EEFSEC: variants seen among roughly 807,000 people sequenced by gnomAD.
EEFSEC encodes selenocysteine-specific elongation factor.
In EEFSEC, 43 loss-of-function variants were observed where a neutral mutation model predicts 42.1. That is an observed-to-expected ratio of 1.02 (90% confidence interval 0.80 to 1.32). EEFSEC has a LOEUF of 1.32. EEFSEC is among the 40% of genes most tolerant of loss of function. The probability of loss-of-function intolerance (pLI) is 0.00; values close to 1 mark genes in which losing one functional copy is unlikely to be tolerated. For synonymous variants in EEFSEC, 354 were observed against 339.1 expected, an observed-to-expected ratio of 1.04 and a Z score of -0.48; for missense variants, 745 against 803.6, an observed-to-expected ratio of 0.93 and a Z score of 0.88.
intron 4 of EEFSEC, among the ~76,000 whole-genome samples, chr3:128,304,716 T>C (rs547819342): frequency 7.9e-5 from 12 of 152,026 alleles, no homozygotes; most frequent in South Asian, 2.1e-4. Flanking sequence ...TTTTTTTTTT[T>C]CCCTCAAGAC....
intron 1 of EEFSEC, among the ~76,000 whole-genome samples, chr3:128,198,871 G>A (rs935389076): frequency 2.7e-5 from 4 of 150,924 alleles, no homozygotes; most frequent in Admixed American, 2.0e-4. Context: ...TCACCCTGTC[G>A]CCCATGCTGG....
chr3:128,195,641 G>A (rs1362405048), intron 1 of EEFSEC, among the ~76,000 whole-genome samples: 4 of 152,178 alleles, frequency 2.6e-5, no homozygotes, highest in East Asian at 1.9e-4. Flanking sequence ...AGATGAAGGC[G>A]CCTCCCATTC....
chr3:128,192,485 C>T (rs907077947), intron 1 of EEFSEC, among the ~76,000 whole-genome samples: 6 of 152,208 alleles, frequency 3.9e-5, no homozygotes, highest in African/African-American at 1.2e-4. Context: ...TCTTTCCTGT[C>T]ACCCTGGCTG....
At chr3:128,207,323 T>G (rs1406694258) in intron 1 of EEFSEC, among the ~76,000 whole-genome samples, 1 of 146,898 alleles carries the variant, frequency 6.8e-6, no homozygotes, top group Non-Finnish European at 1.5e-5. Context: ...TTCCCTTGGC[T>G]CTGTGAGAGC....
chr3:128,164,770 A>G (rs375061879), intron 1 of EEFSEC, among the ~76,000 whole-genome samples: 36 of 152,310 alleles, frequency 2.4e-4, no homozygotes, highest in East Asian at 7.7e-4. Context: ...CCCGGACCAG[A>G]TCTCAGGAGC....
Position 128,239,347 on chromosome 3 carries a change from G to A in EEFSEC, c.317-7489G>A, listed in dbSNP as rs2066046129. ...TTACTGTGCTGGCATAGTGATACTT[G>A]CAGCAGCTTGCATTTAGTGAGTCTG... On this transcript the variant is annotated intron_variant, in intron 1 of 6. Transcript: ENST00000254730. Among the ~76,000 whole-genome samples, 2 of 152,218 alleles carry A rather than the reference G, an allele frequency of 1.3e-5. 1 individual carries two copies. The highest frequency in any genetic ancestry group is 4.1e-4 in the South Asian group (2 of 4,836).
intron 4 of EEFSEC, among the ~76,000 whole-genome samples, chr3:128,301,491 G>A (rs2066768157): frequency 6.6e-6 from 1 of 152,172 alleles, no homozygotes; most frequent in African/African-American, 2.4e-5. Context: ...ACTGGTGCAA[G>A]TCACAGAAAG....
chr3:128,187,741 A>C (rs2065479384), intron 1 of EEFSEC, among the ~76,000 whole-genome samples: 1 of 152,218 alleles, frequency 6.6e-6, no homozygotes, highest in Non-Finnish European at 1.5e-5. Flanking sequence ...CAAAGACCAT[A>C]CAATACACCA....
At chr3:128,329,731 CA>C (rs1191511856) in intron 4 of EEFSEC, among the ~76,000 whole-genome samples, 1 of 152,178 alleles carries the variant, frequency 6.6e-6, no homozygotes, top group African/African-American at 2.4e-5. Flanking sequence ...CAGATGGCCA[CA>C]GGCCTGTGTG....
intron 1 of EEFSEC, among the ~76,000 whole-genome samples, chr3:128,185,810 G>A (rs2065459288): frequency 6.6e-6 from 1 of 152,090 alleles, no homozygotes; most frequent in African/African-American, 2.4e-5. Context: ...TTCCATGCCT[G>A]GATATACCAC....
At chr3:128,325,958 G>C (rs2067059252) in intron 4 of EEFSEC, among the ~76,000 whole-genome samples, 1 of 152,196 alleles carries the variant, frequency 6.6e-6, no homozygotes, top group Non-Finnish European at 1.5e-5. Context: ...TATTTCCAGT[G>C]ATCCACCTTT....
chr3:128,426,108 A>G, the EEFSEC span, among the ~76,000 whole-genome samples: 1 of 152,198 alleles, frequency 6.6e-6, no homozygotes, highest in Non-Finnish European at 1.5e-5. Flanking sequence ...CTTACAGCAG[A>G]GCCACTCAGG....
chr3:128,222,025 G>GTTT lies in EEFSEC; in HGVS notation c.317-24787_317-24785dup, dbSNP rs60162922. On this transcript the variant is annotated intron_variant, in intron 1 of 6. Transcript: ENST00000254730. ...TTTATTCTTCGTGTGTTTTTTCAAA[G>GTTT]TTTTTTTTTTTTTTTTTTTTTTTTT... is the stretch of plus-strand genomic sequence containing the variant. Among the ~76,000 whole-genome samples the GTTT allele has an allele frequency of 3.8e-3, 363 of 96,290 alleles. 20 individuals are homozygous for GTTT. Among genetic ancestry groups the GTTT allele is most frequent in the East Asian group, 4.2e-3 (11 of 2,606 alleles). The allele number at this position is 96,290 out of a possible 152,430, so 63.2% of individuals were successfully genotyped here. A position where few individuals can be genotyped will look rare whatever the true frequency, so the allele number is the denominator to read the frequency against.
chr3:128,364,016 G>A (rs55933144), intron 6 of EEFSEC, among the ~76,000 whole-genome samples: 9,871 of 152,176 alleles, frequency 0.065, 396 homozygotes, highest in Non-Finnish European at 0.094. Context: ...AAAACAAGGG[G>A]GCCAGGCACA....
At chr3:128,248,753 G>A (rs1251227385) in intron 2 of EEFSEC, among the ~76,000 whole-genome samples, 1 of 152,176 alleles carries the variant, frequency 6.6e-6, no homozygotes, top group Non-Finnish European at 1.5e-5. Flanking sequence ...GACCTTCAGG[G>A]AAGGGCTTAG....
At chr3:128,338,799 C>T (rs1210256620) in intron 4 of EEFSEC, among the ~76,000 whole-genome samples, 2 of 151,966 alleles carry the variant, frequency 1.3e-5, no homozygotes, top group Admixed American at 6.6e-5. Context: ...CCTTGTGGGG[C>T]GGTGGAGGGG....
At chr3:128,198,299 T>C (rs918539227) in intron 1 of EEFSEC, among the ~76,000 whole-genome samples, 3 of 152,266 alleles carry the variant, frequency 2.0e-5, no homozygotes, top group African/African-American at 7.2e-5. Context: ...GTACCGTTTC[T>C]GAGTTGCTTA....
chr3:128,298,303 A>G (rs1277461504), intron 4 of EEFSEC, among the ~76,000 whole-genome samples: 1 of 152,126 alleles, frequency 6.6e-6, no homozygotes, highest in African/African-American at 2.4e-5. Flanking sequence ...ATGCACCACC[A>G]TGCCCAGCTG....
At chr3:128,391,208 T>A (rs182088929) in intron 6 of EEFSEC, among the ~76,000 whole-genome samples, 1 of 152,390 alleles carries the variant, frequency 6.6e-6, no homozygotes, top group East Asian at 1.9e-4. Flanking sequence ...GGGTCAGCCA[T>A]GGCATTCTCC....
Sources: gnomAD v4.1 joint callset for allele counts (sites outside exome capture counted in the v4.1 genomes callset) on GRCh38, gnomAD v4.1.1 for gene constraint, MANE v1.5 for transcripts, NCBI Gene and HGNC (gene_info 2026-07-23, HGNC 2026-07-21) for gene names.